The following MGAT4C variants were observed in gnomAD, a reference collection of about 807,000 sequenced individuals.
The protein encoded by MGAT4C is MGAT4 family member C.
A neutral mutation model predicts 40.1 loss-of-function variants in MGAT4C; 19 were observed. That is an observed-to-expected ratio of 0.47 (90% CI 0.33 to 0.70). The LOEUF is 0.70. MGAT4C is among the 30% of genes least tolerant of loss of function. The pLI is 0.02. For missense variants in MGAT4C, 491 were observed against 563.2 expected (o/e 0.87, Z 1.30); for synonymous variants, 181 against 187.1 (o/e 0.97, Z 0.27).
At chr12:86,693,957 C>T (rs189949380) in intron 2 of MGAT4C, among the ~76,000 whole-genome samples, 2 of 152,168 alleles carry the variant, frequency 1.3e-5, no homozygotes, top group African/African-American at 4.8e-5. Context: ...ATTCATTACC[C>T]GTCAGCTTCT....
chr12:86,453,535 A>G (rs1957461089), intron 2 of MGAT4C, among the ~76,000 whole-genome samples: 1 of 152,118 alleles, frequency 6.6e-6, no homozygotes, highest in African/African-American at 2.4e-5. Context: ...TCATGCTTCA[A>G]TATATCCAGT....
chr12:86,807,044 T>A (rs946479267), intron 1 of MGAT4C, among the ~76,000 whole-genome samples: 16 of 151,294 alleles, frequency 1.1e-4, no homozygotes, highest in African/African-American at 1.9e-4. Flanking sequence ...ATAAATAAAT[T>A]ATCAAAAAAA....
intron 1 of MGAT4C, among the ~76,000 whole-genome samples, chr12:86,811,397 T>C (rs568270527): frequency 1.9e-3 from 272 of 145,562 alleles, no homozygotes; most frequent in African/African-American, 6.5e-3. Flanking sequence ...GGCTGGAGTG[T>C]AGTGGCACGA....
intron 1 of MGAT4C, among the ~76,000 whole-genome samples, chr12:86,739,147 A>T (rs1198372111): frequency 6.7e-6 from 1 of 148,256 alleles, no homozygotes; most frequent in Non-Finnish European, 1.5e-5. Context: ...AAAAAAAAAA[A>T]AAAAAAAAAA....
chr12:86,407,499 G>T (rs1278946621), intron 3 of MGAT4C, among the ~76,000 whole-genome samples: 2 of 151,892 alleles, frequency 1.3e-5, no homozygotes, highest in Admixed American at 1.3e-4. Context: ...CACTATTTAT[G>T]GGGAAAAAAA....
chr12:86,081,806 C>A (rs1432128119), intron 1 of MGAT4C, among the ~76,000 whole-genome samples: 1 of 152,038 alleles, frequency 6.6e-6, no homozygotes, highest in South Asian at 2.1e-4. Context: ...TGGAAATATC[C>A]CCCCGTTGTC....
intron 2 of MGAT4C, among the ~76,000 whole-genome samples, chr12:86,568,473 T>G (rs1960225645): frequency 6.6e-6 from 1 of 151,652 alleles, no homozygotes; most frequent in Non-Finnish European, 1.5e-5. Flanking sequence ...TCCTTGCTCC[T>G]CAGCTTGCAG....
At chr12:85,984,690 T>G (rs1018318655) in intron 3 of MGAT4C, among the ~76,000 whole-genome samples, 1 of 152,200 alleles carries the variant, frequency 6.6e-6, no homozygotes. Flanking sequence ...AGAATACATT[T>G]GAGAACAACC....
intron 2 of MGAT4C, among the ~76,000 whole-genome samples, chr12:86,550,930 C>T (rs1381282667): frequency 6.6e-6 from 1 of 152,212 alleles, no homozygotes; most frequent in Non-Finnish European, 1.5e-5. Context: ...TCTGCCGGGC[C>T]CAATGTGGGT....
intron 1 of MGAT4C, among the ~76,000 whole-genome samples, chr12:86,764,621 G>C (rs1332970854): frequency 6.7e-6 from 1 of 149,464 alleles, no homozygotes; most frequent in Admixed American, 6.6e-5. Flanking sequence ...CCCCCCAGTA[G>C]GGGCAGACTG....
intron 1 of MGAT4C, among the ~76,000 whole-genome samples, chr12:86,778,540 A>G (rs763738594): frequency 5.9e-5 from 9 of 152,188 alleles, no homozygotes; most frequent in Non-Finnish European, 1.2e-4. Context: ...AGTTTCTTAC[A>G]TTTATCTCCA....
At position 86,363,349 on chromosome 12, in the gene MGAT4C, C is replaced by T. The variant is rs539865510; in HGVS notation, c.-119-29222G>A. Among the ~76,000 whole-genome samples the T allele has an allele frequency of 4.6e-5, 7 of 152,074 alleles. No homozygotes were observed. The South Asian group carries it at 1.5e-3, about 32-fold the overall frequency. On this transcript the variant is annotated intron_variant, in intron 3 of 7. Coordinates refer to the MGAT4C transcript ENST00000548651. Reference sequence around the variant, plus strand: ...CACAAAGTATTTGGAAATTAAACAACATACTTGAAAATAATTTATAAGTCA... The same window carrying T: ...CACAAAGTATTTGGAAATTAAACAATATACTTGAAAATAATTTATAAGTCA...
chr12:86,395,765 A>C (rs1032593060), intron 3 of MGAT4C, among the ~76,000 whole-genome samples: 1 of 152,204 alleles, frequency 6.6e-6, no homozygotes. Context: ...GTGTCTTCTC[A>C]ATACAACTTC....
chr12:86,391,567 T>C (rs530824772), intron 3 of MGAT4C, among the ~76,000 whole-genome samples: 2 of 152,234 alleles, frequency 1.3e-5, no homozygotes, highest in South Asian at 4.1e-4. Flanking sequence ...AATCAAAAAG[T>C]TGGCATTTAG....
At chr12:86,166,866 C>T (rs1886250660) in intron 1 of MGAT4C, among the ~76,000 whole-genome samples, 1 of 151,964 alleles carries the variant, frequency 6.6e-6, no homozygotes, top group Non-Finnish European at 1.5e-5. Context: ...AAATGATGAC[C>T]AATATTCATA....
At chr12:86,640,434 G>A (rs903640241) in intron 2 of MGAT4C, among the ~76,000 whole-genome samples, 5 of 151,706 alleles carry the variant, frequency 3.3e-5, no homozygotes, top group Admixed American at 6.6e-5. Flanking sequence ...GAATTCTGTG[G>A]GATCGGTGGT....
intron 1 of MGAT4C, among the ~76,000 whole-genome samples, chr12:86,233,623 A>G (rs1298761095): frequency 6.6e-6 from 1 of 152,188 alleles, no homozygotes; most frequent in Non-Finnish European, 1.5e-5. Flanking sequence ...TGTTAATAGC[A>G]AAGCAGAGGA....
At chr12:85,983,709 A>G in intron 3 of MGAT4C, 39 bp from the exon 4 acceptor site, 1 of 1,450,398 alleles carries the variant, frequency 6.9e-7, no homozygotes. Flanking sequence ...TATATAAATA[A>G]TAGATGGTCA....
At chr12:86,669,852 TA>T (rs1388345817) in intron 2 of MGAT4C, among the ~76,000 whole-genome samples, 1 of 152,164 alleles carries the variant, frequency 6.6e-6, no homozygotes, top group Non-Finnish European at 1.5e-5. Flanking sequence ...GGCTCTTACC[TA>T]TAAGTTTCAT....
Sources: allele counts gnomAD v4.1 joint callset (sites outside exome capture counted in the v4.1 genomes callset), GRCh38; gene constraint gnomAD v4.1.1; transcripts MANE v1.5; gene names NCBI Gene and HGNC (gene_info 2026-07-23, HGNC 2026-07-21).